Variants in INSL6 observed in about 807,000 individuals in gnomAD.
INSL6 encodes insulin-like peptide INSL6.
INSL6 carries 16 observed loss-of-function variants against 9.4 expected under a neutral mutation model. The observed-to-expected ratio is 1.70, with a 90% CI of 1.15 to 2.59. INSL6 has a LOEUF of 2.59. Among genes scored for constraint, INSL6 ranks in the 30% most tolerant of loss-of-function variants. INSL6 has a pLI of 0.00. For missense variants in INSL6, 391 were observed against 257.3 expected (o/e 1.52, Z -3.56); for synonymous variants, 154 against 96.9 (o/e 1.59, Z -3.46).
At chr9:5,011,911 C>A in the INSL6 span, among the ~76,000 whole-genome samples, 2 of 152,284 alleles carry the variant, frequency 1.3e-5, no homozygotes, top group Admixed American at 1.3e-4. Flanking sequence ...TCTGGCGTTT[C>A]AGTGGAAAGC....
the INSL6 span, among the ~76,000 whole-genome samples, chr9:5,014,246 C>G: frequency 6.6e-6 from 1 of 150,462 alleles, no homozygotes; most frequent in Admixed American, 6.6e-5. Context: ...TAAAGTGATC[C>G]TCTCACCTTG....
chr9:5,030,855 AT>A, the INSL6 span, among the ~76,000 whole-genome samples: 7 of 152,238 alleles, frequency 4.6e-5, no homozygotes, highest in South Asian at 1.4e-3. Context: ...TCAAAAAAAT[AT>A]TTTTTATATA....
At chr9:5,031,994 G>A in the INSL6 span, among the ~76,000 whole-genome samples, 1 of 152,262 alleles carries the variant, frequency 6.6e-6, no homozygotes, top group Admixed American at 6.5e-5. Flanking sequence ...AAGGGTCAGG[G>A]AATTCCCTTT....
chr9:5,062,377 A>C, the INSL6 span, among the ~76,000 whole-genome samples: 2 of 152,088 alleles, frequency 1.3e-5, no homozygotes, highest in African/African-American at 4.8e-5. Flanking sequence ...AATAGTAATA[A>C]AGTTTAAATT....
the INSL6 span, among the ~76,000 whole-genome samples, chr9:5,070,646 A>G: frequency 3.3e-5 from 5 of 152,220 alleles, no homozygotes; most frequent in East Asian, 5.8e-4. Context: ...CAGAAATACT[A>G]TATTTTCCAA....
In INSL6 at chr9:5,163,962, A is replaced by C; in HGVS notation, c.593T>G (p.Phe198Cys). The C allele has an allele frequency of 6.2e-7, 1 of 1,610,424 alleles. No homozygotes were observed. Among genetic ancestry groups the C allele is most frequent in the Non-Finnish European group, 8.5e-7 (1 of 1,179,486 alleles). Residue 198 changes from phenylalanine to cysteine, a missense_variant, in exon 2 of 2, where the codon TTT becomes TGT. Physicochemically the swap from Phe to Cys is radical, Grantham distance 205. Transcript: ENST00000381641. ...LSIACLPYID[F>C]KRLKEKRSSL... ...TGATCTTTTTTCCTTTAGCCTTTTAAAATCAATATATGGAAGACATGCAAT... is the reference window on the plus strand; with the variant it reads ...TGATCTTTTTTCCTTTAGCCTTTTACAATCAATATATGGAAGACATGCAAT...
chr9:5,151,794 T>C (rs569130851), intron 2 of INSL6, among the ~76,000 whole-genome samples: 6 of 152,280 alleles, frequency 3.9e-5, no homozygotes, highest in African/African-American at 1.4e-4. Context: ...ACAAATCATA[T>C]TGATAATTAC....
chr9:5,130,363 T>C (rs10123980), intron 3 of INSL6, among the ~76,000 whole-genome samples: 53,885 of 152,028 alleles, frequency 0.35, 10,191 homozygotes, highest in African/African-American at 0.51. Flanking sequence ...GACAGAAGCA[T>C]AGCTTTTAGA....
the INSL6 span, among the ~76,000 whole-genome samples, chr9:5,053,045 GTT>G: frequency 4.6e-5 from 7 of 152,148 alleles, no homozygotes; most frequent in Admixed American, 3.9e-4. Context: ...TATGGTAACT[GTT>G]TAACTTTTTG....
the INSL6 span, among the ~76,000 whole-genome samples, chr9:5,045,162 T>G: frequency 2.0e-5 from 3 of 152,240 alleles, no homozygotes; most frequent in Admixed American, 6.5e-5. Flanking sequence ...GCTGCTAGAC[T>G]AGTAGGAATA....
chr9:5,123,537 T>C (rs2130855062), downstream of INSL6, among the ~76,000 whole-genome samples: 1 of 152,132 alleles, frequency 6.6e-6, no homozygotes, highest in South Asian at 2.1e-4. Flanking sequence ...ACATTTTCTT[T>C]ATCCAGTCAT....
At chr9:5,010,176 CCTTTT>C in the INSL6 span, among the ~76,000 whole-genome samples, 3 of 152,148 alleles carry the variant, frequency 2.0e-5, no homozygotes, top group Non-Finnish European at 4.4e-5. Flanking sequence ...GCTGATAGCA[CCTTTT>C]CTTATTTGTC....
chr9:5,095,644 A>G, the INSL6 span, among the ~76,000 whole-genome samples: 1 of 152,092 alleles, frequency 6.6e-6, no homozygotes, highest in African/African-American at 2.4e-5. Context: ...CCCTATCTCA[A>G]TTATATTTCA....
the INSL6 span, among the ~76,000 whole-genome samples, chr9:5,083,541 C>A: frequency 3.9e-5 from 6 of 152,180 alleles, no homozygotes; most frequent in Non-Finnish European, 8.8e-5. Context: ...AACTTAATCA[C>A]AGTCTTCTGT....
chr9:5,042,515 A>G, the INSL6 span, among the ~76,000 whole-genome samples: 4 of 152,050 alleles, frequency 2.6e-5, no homozygotes, highest in South Asian at 2.1e-4. Flanking sequence ...GGAATAAAGG[A>G]AAAAAAAGAA....
At chr9:5,016,562 C>G in the INSL6 span, among the ~76,000 whole-genome samples, 3 of 152,188 alleles carry the variant, frequency 2.0e-5, no homozygotes, top group African/African-American at 7.2e-5. Context: ...AAGTAAACCT[C>G]TAATTGAAGT....
chr9:5,117,942 T>C, the INSL6 span, among the ~76,000 whole-genome samples: 1 of 152,218 alleles, frequency 6.6e-6, no homozygotes, highest in African/African-American at 2.4e-5. Context: ...TAAAAGAATT[T>C]AGAAAAACCA....
chr9:5,004,648 A>G, the INSL6 span, among the ~76,000 whole-genome samples: 1 of 152,164 alleles, frequency 6.6e-6, no homozygotes, highest in African/African-American at 2.4e-5. Context: ...AATACCCAGA[A>G]GTGGGATTGC....
chr9:5,033,993 C>T, the INSL6 span, among the ~76,000 whole-genome samples: 1 of 152,128 alleles, frequency 6.6e-6, no homozygotes, highest in African/African-American at 2.4e-5. Context: ...ATTCAGGAAA[C>T]CCATCTCACG....
Sources: allele counts gnomAD v4.1 joint callset (sites outside exome capture counted in the v4.1 genomes callset), GRCh38; gene constraint gnomAD v4.1.1; transcripts MANE v1.5; gene names NCBI Gene and HGNC (gene_info 2026-07-23, HGNC 2026-07-21).